The following TTC7A variants were observed in gnomAD, a reference collection of about 807,000 sequenced individuals.
TTC7A encodes tetratricopeptide repeat protein 7A.
A neutral mutation model predicts 103.7 loss-of-function variants in TTC7A; 110 were observed. That is an observed-to-expected ratio of 1.06 (90% CI 0.91 to 1.24). The LOEUF is 1.24. Among genes scored for constraint, TTC7A ranks in the 50% most tolerant of loss-of-function variants. TTC7A has a pLI of 0.00. For missense variants in TTC7A, 1,340 were observed against 1,116.3 expected (o/e 1.20, Z -2.86); for synonymous variants, 521 against 467.9 (o/e 1.11, Z -1.47).
intron 1 of TTC7A, among the ~76,000 whole-genome samples, chr2:46,942,192 G>A (rs1670487246): frequency 6.6e-6 from 1 of 152,190 alleles, no homozygotes; most frequent in South Asian, 2.1e-4. Context: ...GTGGGGTGGT[G>A]GAGAAATGGG....
At chr2:47,004,439 A>C (rs1677160250) in intron 8 of TTC7A, among the ~76,000 whole-genome samples, 1 of 152,124 alleles carries the variant, frequency 6.6e-6, no homozygotes, top group Non-Finnish European at 1.5e-5. Flanking sequence ...AGTCCTGCCC[A>C]AGGGAAGCTG....
At position 47,023,968 on chromosome 2, in the gene TTC7A, T is replaced by C. The variant is rs1280214747; in HGVS notation, c.1569-319T>C. ...CCCTGGTGCCTGACTTGTCACTCCC[T>C]CTCTGCCCATGGGTTGTATATTCAT... On this transcript the variant is annotated intron_variant, in intron 13 of 19. Coordinates refer to ENST00000319190, the MANE Select transcript of TTC7A (RefSeq NM_020458.4). Among the ~76,000 whole-genome samples, 10 of 147,386 alleles carry C rather than the reference T, an allele frequency of 6.8e-5. 1 individual carries two copies. Among genetic ancestry groups the C allele is most frequent in the Non-Finnish European group, 1.5e-5 (1 of 67,340 alleles).
At chr2:46,918,377 C>T (rs1448494106) in intron 2 of TTC7A, among the ~76,000 whole-genome samples, 1 of 152,190 alleles carries the variant, frequency 6.6e-6, no homozygotes, top group Non-Finnish European at 1.5e-5. Flanking sequence ...ACCATCTAGT[C>T]CAGTAGTAGA....
Position 47,060,857 on chromosome 2 carries a change from A to G in TTC7A, c.2241A>G (p.Val747=), listed in dbSNP as rs752874925. 3.0e-5 allele frequency: 49 copies of G among 1,613,878 alleles called. No homozygotes were observed. Among genetic ancestry groups the G allele is most frequent in the Middle Eastern group, 3.3e-4 (2 of 6,084 alleles). ...GCCTCTTCCCCACTTCTCACTCAGT[A>G]CTCTATATGCGGGGCCGGCTGGCTG... The part of the protein sequence containing the change: ...AAGLFPTSHS[V]LYMRGRLAEV... The change falls in exon 19 of 20, where the codon GTA becomes GTG. Residue 747 remains valine, a synonymous_variant. Transcript: ENST00000319190.
intron 2 of TTC7A, among the ~76,000 whole-genome samples, chr2:46,919,425 C>T (rs762517286): frequency 4.9e-4 from 74 of 152,222 alleles, no homozygotes; most frequent in Non-Finnish European, 1.0e-4. Flanking sequence ...CCCAGATACT[C>T]GGGAGGCTGA....
In TTC7A at chr2:47,023,576, AT is replaced by A. The variant is rs1679530178; in HGVS notation, c.1568+115del. 4 of 1,163,434 alleles carry A rather than the reference AT, an allele frequency of 3.4e-6. No homozygotes were observed. The East Asian group carries it at 9.9e-5, about 29-fold the overall frequency. 72.1% of individuals were successfully genotyped at this position (1,163,434 alleles called of 1,614,324 possible). On this transcript the variant is annotated intron_variant, in intron 13 of 19. Coordinates refer to ENST00000319190, the MANE Select transcript of TTC7A (RefSeq NM_020458.4). ...GGGCAGAACAAACATTTCTATCTCC[AT>A]TTTACAGATGAGGGAACTGCACACA...
At chr2:47,038,653 C>T (rs1403610230) in intron 15 of TTC7A, among the ~76,000 whole-genome samples, 2 of 64,848 alleles carry the variant, frequency 3.1e-5, no homozygotes, top group African/African-American at 1.4e-4. Flanking sequence ...CCCCCACCCA[C>T]CCCCCCGACA....
chr2:47,063,651 C>A (rs2104791675), intron 19 of TTC7A, among the ~76,000 whole-genome samples: 1 of 152,336 alleles, frequency 6.6e-6, no homozygotes, highest in African/African-American at 2.4e-5. Context: ...TCAGGGCAGG[C>A]CCCCAGGGAG....
chr2:46,932,100 A>G (rs1265573346), intron 2 of TTC7A, among the ~76,000 whole-genome samples: 1 of 152,156 alleles, frequency 6.6e-6, no homozygotes, highest in Non-Finnish European at 1.5e-5. Flanking sequence ...AATAGAAAAA[A>G]CTTCCTAAAT....
intron 15 of TTC7A, among the ~76,000 whole-genome samples, chr2:47,030,911 C>A (rs148793384): frequency 6.6e-6 from 1 of 152,152 alleles, no homozygotes; most frequent in Non-Finnish European, 1.5e-5. Flanking sequence ...TTTGGGAGGC[C>A]GAGGCGGGTG....
At chr2:46,993,416 G>C (rs1675825312) in intron 5 of TTC7A, 34 bp from the exon 6 acceptor site, 2 of 1,607,672 alleles carry the variant, frequency 1.2e-6, no homozygotes, top group Admixed American at 1.7e-5. Flanking sequence ...GAGCTAGGCT[G>C]GTAACAAATC....
At chr2:46,924,206 TAAAAA>T (rs34177384) in intron 2 of TTC7A, among the ~76,000 whole-genome samples, 61 of 128,772 alleles carry the variant, frequency 4.7e-4, no homozygotes, top group Non-Finnish European at 8.8e-4. Flanking sequence ...CCTGTCTCTT[TAAAAA>T]AAAAAAAAAC....
Position 47,011,343 on chromosome 2 carries a change from G to A in TTC7A, c.1300G>A (p.Val434Met). 6.2e-7 allele frequency: 1 copy of A among 1,613,418 alleles called. No homozygotes were observed. The highest frequency in any genetic ancestry group is 8.5e-7 in the Non-Finnish European group (1 of 1,179,830). ...TTTTTTTCTGCAGTCAGCCTACGCT[G>A]TGTCCCTGCTGCGGGAGTGTGTGAA... ...MVACGKSAYA[V>M]SLLRECVKLR... Residue 434 changes from valine to methionine, a missense_variant, in exon 11 of 20, where the codon GTG (valine) becomes ATG (methionine). By Grantham distance (21) the Val-to-Met change is conservative (BLOSUM62 1). Coordinates refer to ENST00000319190, the MANE Select transcript of TTC7A (RefSeq NM_020458.4).
At chr2:47,022,533 C>G (rs1201954801) in intron 12 of TTC7A, among the ~76,000 whole-genome samples, 3 of 152,194 alleles carry the variant, frequency 2.0e-5, no homozygotes, top group Non-Finnish European at 4.4e-5. Flanking sequence ...GCCAGCTCAG[C>G]CATGTGTCTT....
intron 16 of TTC7A, among the ~76,000 whole-genome samples, chr2:47,049,222 T>C (rs1216598213): frequency 1.3e-5 from 2 of 152,180 alleles, no homozygotes; most frequent in Admixed American, 6.5e-5. Context: ...TCAAAGGTTG[T>C]GGGCTTCCTC....
intron 1 of TTC7A, among the ~76,000 whole-genome samples, chr2:46,949,336 G>A (rs2017797): frequency 0.092 from 14,043 of 152,184 alleles, 764 homozygotes; most frequent in African/African-American, 0.14. Context: ...CCCGAATTCA[G>A]GCAGTTCTGC....
chr2:47,022,697 G>C (rs1451862848), intron 12 of TTC7A, among the ~76,000 whole-genome samples: 1 of 152,112 alleles, frequency 6.6e-6, no homozygotes, highest in Non-Finnish European at 1.5e-5. Context: ...GGTGACATCG[G>C]GTATAAATGA....
chr2:47,018,590 A>T (rs1005450995), intron 11 of TTC7A, among the ~76,000 whole-genome samples: 2 of 151,640 alleles, frequency 1.3e-5, no homozygotes, highest in Non-Finnish European at 2.9e-5. Context: ...TCTCAAAAAA[A>T]AAAAAAAAAA....
chr2:47,033,094 G>C (rs936139845), intron 15 of TTC7A, among the ~76,000 whole-genome samples: 2 of 152,154 alleles, frequency 1.3e-5, no homozygotes, highest in African/African-American at 2.4e-5. Context: ...GTCCATTACA[G>C]GTCAGGGATC....
Sources: allele counts gnomAD v4.1 joint callset (sites outside exome capture counted in the v4.1 genomes callset), GRCh38; gene constraint gnomAD v4.1.1; transcripts MANE v1.5; gene names NCBI Gene and HGNC (gene_info 2026-07-23, HGNC 2026-07-21).